Variants in C11orf16 observed in about 807,000 individuals in gnomAD.
The protein encoded by C11orf16 is chromosome 11 open reading frame 16, also known as uncharacterized protein C11orf16.
In C11orf16, 38 loss-of-function variants were observed where a neutral mutation model predicts 45.1. That is an observed-to-expected ratio of 0.84 (90% CI 0.65 to 1.10). The LOEUF (loss-of-function observed/expected upper bound fraction) is 1.10, where lower values mean the gene tolerates loss of function less well. Ranked by LOEUF, C11orf16 falls within the 50% of genes least tolerant of loss-of-function variation. The probability of loss-of-function intolerance (pLI) is 0.00; values close to 1 mark genes in which losing one functional copy is unlikely to be tolerated. For missense variants in C11orf16, 583 were observed against 569.5 expected (o/e 1.02, Z -0.24); for synonymous variants, 221 against 222.0 (o/e 1.00, Z 0.04).
intron 4 of C11orf16, among the ~76,000 whole-genome samples, chr11:8,926,427 GC>G (rs1248740048): frequency 2.6e-5 from 4 of 152,048 alleles, no homozygotes; most frequent in Admixed American, 6.6e-5. Context: ...TCCGTGGAGA[GC>G]CTGCCAGGAA....
chr11:8,926,182 T>TTTA, intron 4 of C11orf16, 75 bp from the exon 5 acceptor site: 78 of 1,272,000 alleles, frequency 6.1e-5, no homozygotes, highest in Non-Finnish European at 7.7e-5. Flanking sequence ...CTTTTTTTCT[T>TTTA]TTCTTTTTTT....
Position 8,925,775 on chromosome 11 carries a change from T to A in C11orf16, c.892A>T (p.Thr298Ser), listed in dbSNP as rs746686790. The A allele has an allele frequency of 6.2e-7, 1 of 1,614,252 alleles. No individual in the cohort carries two copies. The highest frequency in any genetic ancestry group is 1.1e-5 in the South Asian group (1 of 91,092). The change falls in exon 5 of 7, where the codon ACC becomes TCC. Residue 298 changes from threonine to serine, a missense_variant. Coordinates refer to ENST00000326053, the MANE Select transcript of C11orf16 (RefSeq NM_020643.3). ...CGTTWWPLTR[T>S]SEVMARELPE... ...AGTTCTCTGGCCATGACTTCTGAGG[T>A]CCTGGTTAGAGGCCACCAAGTCGTG...
At chr11:8,931,600 C>T (rs1302872331) in intron 2 of C11orf16, among the ~76,000 whole-genome samples, 2 of 152,088 alleles carry the variant, frequency 1.3e-5, no homozygotes, top group East Asian at 1.9e-4. Context: ...ATCTTGGCCA[C>T]GCTGGTCTCG....
intron 2 of C11orf16, among the ~76,000 whole-genome samples, chr11:8,930,203 C>T (rs562613166): frequency 6.2e-4 from 94 of 151,920 alleles, no homozygotes; most frequent in Non-Finnish European, 9.1e-4. Context: ...CCGAGATGGG[C>T]GGATCACGAG....
chr11:8,921,571 G>A (rs2064574507), intron 5 of C11orf16, 56 bp from the exon 6 acceptor site: 2 of 1,449,864 alleles, frequency 1.4e-6, no homozygotes, highest in East Asian at 2.3e-5. Context: ...GATGGCATAA[G>A]TAGAACTAAA....
In C11orf16 at chr11:8,926,992, C is replaced by T; in HGVS notation, c.507G>A (p.Gln169=). Residue 169 remains glutamine (Q), a synonymous_variant, in exon 4 of 7, where the codon CAG becomes CAA. Transcript: ENST00000326053. The part of the protein sequence containing the change: ...VLALWEPGQQ[Q]YGPGTVLLGL... ...CCAAAAGAACAGTGCCAGGGCCATA[C>T]TGCTGTTGGCCTGGCTCCCAGAGTG... 4 of 1,614,118 alleles carry T rather than the reference C, an allele frequency of 2.5e-6. No homozygotes were observed. Among genetic ancestry groups the T allele is most frequent in the Non-Finnish European group, 2.5e-6 (3 of 1,180,030 alleles).
intron 5 of C11orf16, among the ~76,000 whole-genome samples, chr11:8,922,761 C>T (rs1248025585): frequency 2.0e-5 from 3 of 152,248 alleles, no homozygotes; most frequent in South Asian, 4.1e-4. Context: ...AGAAGCAAAA[C>T]AGCACATTTC....
At chr11:8,928,512 C>T (rs895908447) in intron 3 of C11orf16, among the ~76,000 whole-genome samples, 1 of 152,156 alleles carries the variant, frequency 6.6e-6, no homozygotes, top group Admixed American at 6.5e-5. Flanking sequence ...ACACTTTCTT[C>T]TCTGTTATGC....
chr11:8,927,600 A>G, intron 3 of C11orf16: 1 of 457,630 alleles, frequency 2.2e-6, no homozygotes, highest in Non-Finnish European at 4.4e-6. Context: ...GGATGTGTCC[A>G]AGACCAACAG....
rs756038720 is a variant in C11orf16 at position 8,927,142 on chromosome 11, G to A, written c.357C>T (p.Phe119=). The change falls in exon 4 of 7, where the codon TTC becomes TTT. Residue 119 remains phenylalanine, a synonymous_variant. Transcript: ENST00000326053. ...LERQGVLLVE[F]EAPLVAGPKL... ...TTGGGCCTGCGACAAGAGGAGCCTC[G>A]AATTCCACAAGCAGGACCCCCTGTC... 1.4e-5 allele frequency: 23 copies of A among 1,613,854 alleles called. No individual in the cohort carries two copies. Among genetic ancestry groups the A allele is most frequent in the East Asian group, 4.5e-5 (2 of 44,886 alleles).
intron 3 of C11orf16, 115 bp from the exon 4 acceptor site, chr11:8,927,289 GACAGGCAC>G: frequency 1.4e-6 from 1 of 735,738 alleles, no homozygotes; most frequent in Non-Finnish European, 2.2e-6. Flanking sequence ...TCCAAACAGT[GACAGGCAC>G]CTAAAGAAGG....
intron 2 of C11orf16, 63 bp downstream of exon 2, chr11:8,932,079 C>A: frequency 6.9e-7 from 1 of 1,452,738 alleles, no homozygotes; most frequent in Non-Finnish European, 9.2e-7. Flanking sequence ...CTACCACCAA[C>A]AGCCAAGAAC....
At position 8,920,414 on chromosome 11, in the gene C11orf16, T is replaced by A; in HGVS notation, c.*59A>T. 1.5e-6 allele frequency: 1 copy of A among 683,762 alleles called. No individual in the cohort carries two copies. Among genetic ancestry groups the A allele is most frequent in the Non-Finnish European group, 2.7e-6 (1 of 376,506 alleles). The allele number at this position is 683,762 out of a possible 1,614,324, so 42.4% of individuals were successfully genotyped here. ...AGAAGGCCTTGTCAGCCACTCTGTA[T>A]AACTCTCCTCGAATATTTACCATGT... On this transcript the variant is annotated 3_prime_UTR_variant, in exon 7 of 7. Coordinates refer to ENST00000326053, the MANE Select transcript of C11orf16 (RefSeq NM_020643.3).
Position 8,931,452 on chromosome 11 carries a change from G to A in C11orf16, c.167+690C>T, listed in dbSNP as rs1211563436. On this transcript the variant is annotated intron_variant, in intron 2 of 6. Coordinates refer to ENST00000326053, the MANE Select transcript of C11orf16 (RefSeq NM_020643.3). ...CACCCAGGCTGGAGTGCAATGGTGC[G>A]ATCTCGGCTCACTGCAACCTTTCCA... Among the ~76,000 whole-genome samples, 4 of 151,808 alleles carry A rather than the reference G, an allele frequency of 2.6e-5. No individual in the cohort carries two copies. In the South Asian group the frequency reaches 6.2e-4, roughly 24 times the overall value.
chr11:8,924,635 A>G (rs2064596690), intron 5 of C11orf16, among the ~76,000 whole-genome samples: 1 of 152,142 alleles, frequency 6.6e-6, no homozygotes, highest in Admixed American at 6.5e-5. Context: ...AGGGACCCCC[A>G]GTGGGTCCCA....
Position 8,929,081 on chromosome 11 carries a change from C to G in C11orf16, c.324+296G>C, listed in dbSNP as rs2064633538. The G allele has an allele frequency of 9.9e-6, 3 of 304,304 alleles. No individual in the cohort carries two copies. In the South Asian group the frequency reaches 2.2e-4, roughly 22 times the overall value. The allele number at this position is 304,304 out of a possible 1,614,324, so 18.9% of individuals were successfully genotyped here. On this transcript the variant is annotated intron_variant, in intron 3 of 6. Coordinates refer to ENST00000326053, the MANE Select transcript of C11orf16 (RefSeq NM_020643.3). ...CCAGAAGCAGGGCATGGGAATGATT[C>G]TTCTTCATAGCTCTCAGAAGGAACC...
intron 2 of C11orf16, 21 bp downstream of exon 2, chr11:8,932,121 C>T: frequency 1.9e-6 from 3 of 1,551,168 alleles, no homozygotes; most frequent in Middle Eastern, 2.0e-4. Context: ...CCACTTCCCC[C>T]AGAGGGGCAG....
chr11:8,926,185 C>A, intron 4 of C11orf16, 78 bp from the exon 5 acceptor site: 91 of 886,400 alleles, frequency 1.0e-4, no homozygotes, highest in Non-Finnish European at 1.3e-4. Context: ...TTTTTCTTTT[C>A]TTTTTTTTTT....
chr11:8,926,888 AT>A, intron 4 of C11orf16, 51 bp downstream of exon 4: 1 of 1,482,280 alleles, frequency 6.7e-7, no homozygotes, highest in Non-Finnish European at 9.4e-7. Context: ...CTCTGGCCTG[AT>A]TACAGCCTGG....
Sources: gnomAD v4.1 joint callset for allele counts (sites outside exome capture counted in the v4.1 genomes callset) on GRCh38, gnomAD v4.1.1 for gene constraint, MANE v1.5 for transcripts, NCBI Gene and HGNC (gene_info 2026-07-23, HGNC 2026-07-21) for gene names.